NRG3: variants seen among roughly 807,000 people sequenced by gnomAD.
NRG3 encodes pro-neuregulin-3, membrane-bound isoform.
A neutral mutation model predicts 66.9 loss-of-function variants in NRG3; 31 were observed. The observed-to-expected ratio is 0.46, with a 90% CI of 0.35 to 0.63. The LOEUF is 0.63. NRG3 is among the 20% of genes least tolerant of loss of function. The probability of loss-of-function intolerance (pLI) is 0.00; values close to 1 mark genes in which losing one functional copy is unlikely to be tolerated. For missense variants in NRG3, 910 were observed against 878.9 expected (o/e 1.04, Z -0.45); for synonymous variants, 393 against 359.4 (o/e 1.09, Z -1.06).
chr10:82,024,405 G>A (rs1460070466), intron 1 of NRG3, among the ~76,000 whole-genome samples: 1 of 151,720 alleles, frequency 6.6e-6, no homozygotes, highest in African/African-American at 2.4e-5. Flanking sequence ...TATACAGTGG[G>A]TTAAAGAAAA....
intron 2 of NRG3, among the ~76,000 whole-genome samples, chr10:82,645,835 C>T (rs2050892545): frequency 1.3e-5 from 2 of 151,946 alleles, no homozygotes; most frequent in Admixed American, 6.6e-5. Context: ...TCTATGTTTT[C>T]TTTTTTTAAT....
In NRG3 at chr10:82,458,426, G is replaced by A. The variant is rs181008230; in HGVS notation, c.953+99558G>A. 1.9e-3 allele frequency among the ~76,000 whole-genome samples: 282 copies of A among 152,220 alleles called. 1 individual carries two copies. Among genetic ancestry groups the A allele is most frequent in the African/African-American group, 6.4e-3 (264 of 41,526 alleles). Reference sequence around the variant, plus strand: ...GTACAAAGATGAACTCCATCCTGAGGAACTGGTCACATCTGTCTATAGGGA... The same window carrying A: ...GTACAAAGATGAACTCCATCCTGAGAAACTGGTCACATCTGTCTATAGGGA... On this transcript the variant is annotated intron_variant, in intron 2 of 8. Transcript: ENST00000372141.
chr10:82,961,208 A>G (rs915591296), intron 6 of NRG3, among the ~76,000 whole-genome samples: 2 of 152,242 alleles, frequency 1.3e-5, no homozygotes, highest in Admixed American at 6.5e-5. Flanking sequence ...TAATAAGGTG[A>G]AAAGTTTGTA....
intron 2 of NRG3, among the ~76,000 whole-genome samples, chr10:82,591,818 A>G (rs546517469): frequency 6.6e-6 from 1 of 152,332 alleles, no homozygotes; most frequent in East Asian, 1.9e-4. Flanking sequence ...CTTTTAAGCA[A>G]AAAGGTTTTC....
chr10:82,136,525 G>C (rs1424895922), intron 1 of NRG3, among the ~76,000 whole-genome samples: 1 of 152,134 alleles, frequency 6.6e-6, no homozygotes, highest in Non-Finnish European at 1.5e-5. Context: ...TACTGCAGTT[G>C]AGCTGGTAGC....
At chr10:82,886,200 C>A (rs761574070) in intron 4 of NRG3, among the ~76,000 whole-genome samples, 1 of 152,228 alleles carries the variant, frequency 6.6e-6, no homozygotes, top group Non-Finnish European at 1.5e-5. Context: ...AAGATAATTT[C>A]ATTTCCTTGG....
chr10:81,941,014 C>G (rs1388751897), intron 1 of NRG3, among the ~76,000 whole-genome samples: 3 of 151,970 alleles, frequency 2.0e-5, no homozygotes, highest in Non-Finnish European at 2.9e-5. Flanking sequence ...ATTGTGTGTT[C>G]TCTAAGAAGC....
chr10:82,234,496 T>C (rs2076657533), intron 1 of NRG3, among the ~76,000 whole-genome samples: 1 of 152,210 alleles, frequency 6.6e-6, no homozygotes, highest in African/African-American at 2.4e-5. Context: ...ATGAATGGTT[T>C]TCTCACCATC....
Position 82,125,870 on chromosome 10 carries a change from A to G in NRG3, c.824-232869A>G, listed in dbSNP as rs1041036956. On this transcript the variant is annotated intron_variant, in intron 1 of 8. Coordinates refer to ENST00000372141, the MANE Select transcript of NRG3 (RefSeq NM_001010848.4). Reference sequence around the variant, plus strand: ...TCAAGGCACCGTCAGGTCTCCCTGGACTTCAGTATGCTCTGTGGAAGAAAG... The same window carrying G: ...TCAAGGCACCGTCAGGTCTCCCTGGGCTTCAGTATGCTCTGTGGAAGAAAG... Among the ~76,000 whole-genome samples the G allele has an allele frequency of 7.9e-5, 12 of 152,156 alleles. No homozygotes were observed. In the South Asian group the frequency reaches 2.5e-3, roughly 32 times the overall value.
chr10:82,771,650 T>C (rs1252364043), intron 3 of NRG3, among the ~76,000 whole-genome samples: 2 of 152,164 alleles, frequency 1.3e-5, no homozygotes, highest in African/African-American at 4.8e-5. Context: ...ATTCAACACT[T>C]ACCAAAATTA....
chr10:82,292,562 A>G (rs911490375), intron 1 of NRG3, among the ~76,000 whole-genome samples: 2 of 152,238 alleles, frequency 1.3e-5, no homozygotes, highest in Non-Finnish European at 2.9e-5. Context: ...TAGTCAGACT[A>G]ACCAAAAATT....
chr10:81,957,687 T>C lies in NRG3; in HGVS notation c.823+81524T>C, dbSNP rs547346388. Among the ~76,000 whole-genome samples, 7 of 152,296 alleles carry C rather than the reference T, an allele frequency of 4.6e-5. No homozygotes were observed. The East Asian group carries it at 1.4e-3, about 29-fold the overall frequency. On this transcript the variant is annotated intron_variant, in intron 1 of 8. Transcript: ENST00000372141. ...TCTGGATAGGAGCAATTACATCAAG[T>C]AGACCGAGAACAGGAATGAAGAGTT...
intron 1 of NRG3, among the ~76,000 whole-genome samples, chr10:82,292,551 A>G (rs1245771262): frequency 6.6e-6 from 1 of 152,224 alleles, no homozygotes; most frequent in South Asian, 2.1e-4. Flanking sequence ...CATAGCAGCT[A>G]TAGTCAGACT....
rs1050122063 is a variant in NRG3 at position 82,086,333 on chromosome 10, G to T, written c.823+210170G>T. ...TCAAGGATTCTAGCTGGAAGGAGAA[G>T]AAATTATCAAGTTTCTAAATATCAG... On this transcript the variant is annotated intron_variant, in intron 1 of 8. Transcript: ENST00000372141. Among the ~76,000 whole-genome samples the T allele has an allele frequency of 1.6e-4, 25 of 152,000 alleles. 1 individual carries two copies. The highest frequency in any genetic ancestry group is 2.2e-4 in the Non-Finnish European group (15 of 68,012).
At chr10:82,027,423 T>C (rs1235417152) in intron 1 of NRG3, among the ~76,000 whole-genome samples, 1 of 152,066 alleles carries the variant, frequency 6.6e-6, no homozygotes, top group African/African-American at 2.4e-5. Context: ...TTTTTTCTTC[T>C]CCAGGGAAAT....
chr10:82,323,792 A>G (rs1046816407), intron 1 of NRG3, among the ~76,000 whole-genome samples: 4 of 152,128 alleles, frequency 2.6e-5, no homozygotes, highest in African/African-American at 9.7e-5. Flanking sequence ...ATAGTTCAAT[A>G]ATTATATATA....
intron 3 of NRG3, among the ~76,000 whole-genome samples, chr10:82,826,479 C>T (rs2062214435): frequency 6.6e-6 from 1 of 152,076 alleles, no homozygotes; most frequent in Non-Finnish European, 1.5e-5. Flanking sequence ...TGTGACAACA[C>T]CTGGGTGTTA....
In NRG3 at chr10:82,768,354, A is replaced by G. The variant is rs141966499; in HGVS notation, c.1027+29704A>G. ...CAATAGTTACCACTCTTCCATGGAC[A>G]TGTGGCCTTCAAGAGTTTATAGAAA... On this transcript the variant is annotated intron_variant, in intron 3 of 8. Coordinates refer to ENST00000372141, the MANE Select transcript of NRG3 (RefSeq NM_001010848.4). 1.8e-3 allele frequency among the ~76,000 whole-genome samples: 272 copies of G among 152,252 alleles called. 1 individual carries two copies. Among genetic ancestry groups the G allele is most frequent in the Non-Finnish European group, 3.0e-3 (204 of 68,018 alleles).
intron 2 of NRG3, among the ~76,000 whole-genome samples, chr10:82,594,005 G>A (rs893242591): frequency 1.3e-5 from 2 of 152,016 alleles, no homozygotes; most frequent in African/African-American, 4.8e-5. Context: ...TTCTAGAACT[G>A]ATTTTTGTTT....
Sources: gnomAD v4.1 joint callset for allele counts (sites outside exome capture counted in the v4.1 genomes callset) on GRCh38, gnomAD v4.1.1 for gene constraint, MANE v1.5 for transcripts, NCBI Gene and HGNC (gene_info 2026-07-23, HGNC 2026-07-21) for gene names.